PRMT9: variants seen among roughly 807,000 people sequenced by gnomAD.
PRMT9 encodes protein arginine N-methyltransferase 9.
A neutral mutation model predicts 83.2 loss-of-function variants in PRMT9; 59 were observed. The ratio of observed to expected loss-of-function variants is 0.71; its 90% CI spans 0.57 to 0.88. PRMT9 has a LOEUF of 0.88. PRMT9 is among the 40% of genes least tolerant of loss of function. The pLI, the probability that PRMT9 is intolerant of heterozygous loss-of-function variation, is 0.00. For missense variants in PRMT9, 947 were observed against 1,021.9 expected (o/e 0.93, Z 1.00); for synonymous variants, 333 against 353.2 (o/e 0.94, Z 0.64).
At chr4:147,653,576 G>C (rs1392100752) in intron 9 of PRMT9, among the ~76,000 whole-genome samples, 1 of 151,994 alleles carries the variant, frequency 6.6e-6, no homozygotes, top group Non-Finnish European at 1.5e-5. Context: ...CAAGATGAAA[G>C]TAAAACATCT....
chr4:147,663,871 GAGT>G (rs533621022), intron 6 of PRMT9, among the ~76,000 whole-genome samples: 27 of 152,098 alleles, frequency 1.8e-4, no homozygotes, highest in African/African-American at 4.8e-4. Context: ...TATCATTTGT[GAGT>G]AGGTTATATT....
chr4:147,672,835 T>C, intron 4 of PRMT9, 124 bp downstream of exon 4: 1 of 637,356 alleles, frequency 1.6e-6, no homozygotes. Flanking sequence ...TATCTTATCC[T>C]ATATCCATAT....
At chr4:147,654,650 C>T in intron 8 of PRMT9, 84 bp from the exon 9 acceptor site, 1 of 852,230 alleles carries the variant, frequency 1.2e-6, no homozygotes, top group South Asian at 1.4e-5. Context: ...CTCCATCTAG[C>T]CCCCCATTCT....
At position 147,638,354 on chromosome 4, in the gene PRMT9, G is replaced by C; in HGVS notation, c.*178C>G. ...TTTTCCAGAAAGCAAATCTGCAGCA[G>C]TATTTCTATAATAATGCTACCCTTT... On this transcript the variant is annotated 3_prime_UTR_variant, in exon 12 of 12. Coordinates refer to ENST00000322396, the MANE Select transcript of PRMT9 (RefSeq NM_138364.4). The C allele has an allele frequency of 1.6e-6, 1 of 608,466 alleles. No individual in the cohort carries two copies. 37.7% of individuals were successfully genotyped at this position (608,466 alleles called of 1,614,324 possible).
chr4:147,640,061 C>CTT (rs1185905675), intron 10 of PRMT9, among the ~76,000 whole-genome samples: 360 of 35,048 alleles, frequency 0.01, 105 homozygotes, highest in African/African-American at 0.031. Flanking sequence ...CCACTCCTGT[C>CTT]TTTTTTTTTT....
At chr4:147,673,935 C>G in intron 2 of PRMT9, 61 bp from the exon 3 acceptor site, 1 of 1,316,906 alleles carries the variant, frequency 7.6e-7, no homozygotes, top group Non-Finnish European at 1.1e-6. Context: ...ACTGCAGTAC[C>G]TTTGTTTATG....
At chr4:147,641,896 G>A (rs1166285489) in intron 10 of PRMT9, among the ~76,000 whole-genome samples, 2 of 152,038 alleles carry the variant, frequency 1.3e-5, no homozygotes, top group South Asian at 2.1e-4. Flanking sequence ...TTATGAGCTC[G>A]AGCAATCCGC....
In PRMT9 at chr4:147,672,991, A is replaced by T. The variant is rs367625482; in HGVS notation, c.711T>A (p.Leu237=). 31 of 1,613,846 alleles carry T rather than the reference A, an allele frequency of 1.9e-5. No homozygotes were observed. Among genetic ancestry groups the T allele is most frequent in the Non-Finnish European group, 2.5e-5 (30 of 1,179,890 alleles). Reference sequence around the variant, plus strand: ...GAATATGTTTTGGAATCTCTATGTCAAGTGACTTCGTATGTAAGAGTTTGA... The same window carrying T: ...GAATATGTTTTGGAATCTCTATGTCTAGTGACTTCGTATGTAAGAGTTTGA... ...AGIKLLHTKS[L]DIEIPKHIPE... is the part of the protein sequence containing the mutation. Residue 237 remains leucine, a synonymous_variant, in exon 4 of 12, where the codon CTT becomes CTA. Transcript: ENST00000322396.
chr4:147,647,870 T>C (rs1456105191), intron 9 of PRMT9, among the ~76,000 whole-genome samples: 1 of 152,158 alleles, frequency 6.6e-6, no homozygotes, highest in East Asian at 1.9e-4. Context: ...TTCTGGGCAG[T>C]GGGTAAGAAG....
Position 147,642,848 on chromosome 4 carries a change from G to C in PRMT9, c.2138C>G (p.Ala713Gly). The C allele has an allele frequency of 2.5e-6, 4 of 1,613,454 alleles. No homozygotes were observed. The South Asian group carries it at 4.4e-5, about 18-fold the overall frequency. ...VESQTLLEENAVQGTERTLGL... is the reference protein window; with the variant it reads ...VESQTLLEENGVQGTERTLGL... ...AAGAGTACGTTCTGTTCCTTGAACA[G>C]CATTCTCCTCTAGGAGTGTCTGTGA... Residue 713 changes from alanine (A) to glycine (G), a missense_variant, in exon 10 of 12, where the codon GCT (alanine) becomes GGT (glycine). Ala to Gly is a moderately conservative substitution (Grantham distance 60). Transcript: ENST00000322396.
rs111813971 is a variant in PRMT9, at chr4:147,656,500, C to T, written c.1330+1292G>A. ...AGAAATGAGGTCTTGCAGCCGGGCA[C>T]GGTGGCTCACACCTGTAATGCCAGC... On this transcript the variant is annotated intron_variant, in intron 8 of 11. Coordinates refer to ENST00000322396, the MANE Select transcript of PRMT9 (RefSeq NM_138364.4). 2.8e-3 allele frequency among the ~76,000 whole-genome samples: 422 copies of T among 152,062 alleles called. 3 individuals carry two copies. Among genetic ancestry groups the T allele is most frequent in the South Asian group, 0.021 (100 of 4,806 alleles).
At chr4:147,665,806 T>C (rs930237866) in intron 6 of PRMT9, among the ~76,000 whole-genome samples, 4 of 152,234 alleles carry the variant, frequency 2.6e-5, no homozygotes, top group African/African-American at 9.6e-5. Context: ...AATACTACAT[T>C]AGGTGACTGT....
At chr4:147,657,628 T>G (rs1734608394) in intron 8 of PRMT9, among the ~76,000 whole-genome samples, 164 bp downstream of exon 8, 1 of 152,050 alleles carries the variant, frequency 6.6e-6, no homozygotes, top group East Asian at 1.9e-4. Context: ...ACCACAAATA[T>G]TACCTATTTC....
At position 147,640,061 on chromosome 4, in the gene PRMT9, C is replaced by CCTTT. The variant is rs1733281469; in HGVS notation, c.2200-980_2200-979insAAAG. The stretch of plus-strand genomic sequence containing the variant: ...CTCACACTAACTGGTCCACTCCTGT[C>CCTTT]TTTTTTTTTTTTTTTTTTTTTTTTT... On this transcript the variant is annotated intron_variant, in intron 10 of 11. Coordinates refer to ENST00000322396, the MANE Select transcript of PRMT9 (RefSeq NM_138364.4). Among the ~76,000 whole-genome samples, 6 of 35,096 alleles carry CCTTT rather than the reference C, an allele frequency of 1.7e-4. No individual in the cohort carries two copies. In the East Asian group the frequency reaches 4.6e-3, roughly 27 times the overall value. 23.0% of individuals were successfully genotyped at this position (35,096 alleles called of 152,430 possible).
At position 147,660,917 on chromosome 4, in the gene PRMT9, G is replaced by A. The variant is rs552399598; in HGVS notation, c.1075C>T (p.Arg359Ter). 4.5e-5 allele frequency: 72 copies of A among 1,613,336 alleles called. No individual in the cohort carries two copies. The highest frequency in any genetic ancestry group is 5.5e-5 in the South Asian group (5 of 91,060). ...IEPYTTEKMS[R>*]VPGGYLALTE... Reference sequence around the variant, plus strand: ...AAAGCCAAATATCCTCCAGGAACTCGACTCATCTTTTCAGTTGTATAAGGT... The same window carrying A: ...AAAGCCAAATATCCTCCAGGAACTCAACTCATCTTTTCAGTTGTATAAGGT... Residue 359 changes from arginine (R) to a stop codon, truncating the protein, a stop_gained, in exon 7 of 12, where the codon CGA (arginine) becomes TGA (stop). Coordinates refer to ENST00000322396, the MANE Select transcript of PRMT9 (RefSeq NM_138364.4). LOFTEE classifies it high-confidence loss of function.
chr4:147,649,592 T>C (rs1733961343), intron 9 of PRMT9, among the ~76,000 whole-genome samples: 1 of 152,032 alleles, frequency 6.6e-6, no homozygotes, highest in Non-Finnish European at 1.5e-5. Flanking sequence ...AACCTCTGCC[T>C]CCAGGGTTCA....
In PRMT9 at chr4:147,654,512, C is replaced by A. The variant is rs768581346; in HGVS notation, c.1385G>T (p.Cys462Phe). The A allele has an allele frequency of 6.2e-7, 1 of 1,613,896 alleles. No individual in the cohort carries two copies. The highest frequency in any genetic ancestry group is 1.1e-5 in the South Asian group (1 of 91,080). Residue 462 changes from cysteine to phenylalanine, a missense_variant, in exon 9 of 12, where the codon TGT (cysteine) becomes TTT (phenylalanine). By Grantham distance (205) the Cys-to-Phe change is radical. Coordinates refer to ENST00000322396, the MANE Select transcript of PRMT9 (RefSeq NM_138364.4). ...HVMMEVSCQD[C>F]YLRIQSISVL... ...ACTAATACTCTGGATTCTTAAGTAA[C>A]AGTCTTGACAAGATACTTCCATCAT...
chr4:147,680,473 T>G lies in PRMT9; in HGVS notation c.190-2A>C, dbSNP rs1410957325. The stretch of plus-strand genomic sequence containing the variant: ...GAAAAGTGTGTACTGAAAAGTTTCC[T>G]TTACAAATAAGAAAAAAATTATGAA... On this transcript the variant is annotated splice_acceptor_variant, in intron 1 of 11. Transcript: ENST00000322396. LOFTEE classifies it high-confidence loss of function. The G allele has an allele frequency of 1.2e-6, 2 of 1,609,846 alleles. No individual in the cohort carries two copies. The highest frequency in any genetic ancestry group is 3.3e-5 in the Admixed American group (2 of 59,848).
rs1736055943 is a variant in PRMT9, at chr4:147,676,185, A to C, written c.339-2311T>G. Among the ~76,000 whole-genome samples the C allele has an allele frequency of 2.0e-5, 3 of 152,234 alleles. No homozygotes were observed. The South Asian group carries it at 6.2e-4, about 31-fold the overall frequency. On this transcript the variant is annotated intron_variant, in intron 2 of 11. Transcript: ENST00000322396. ...TCAATGACTGGTAACTGCTCAGACT[A>C]ATGTCCTACAACAACAGGTCACCAA...
Sources: allele counts gnomAD v4.1 joint callset (sites outside exome capture counted in the v4.1 genomes callset), GRCh38; gene constraint gnomAD v4.1.1; transcripts MANE v1.5; gene names NCBI Gene and HGNC (gene_info 2026-07-23, HGNC 2026-07-21).